MSN: variants seen among roughly 807,000 people sequenced by gnomAD.
MSN encodes the protein moesin, also known as epididymis luminal protein 70.
Under a neutral mutation model 48.0 loss-of-function variants are expected in MSN, and 2 were observed. The observed-to-expected ratio is 0.04, with a 90% CI of 0.02 to 0.13. MSN has a LOEUF of 0.13. Among genes scored for constraint, MSN ranks in the 10% least tolerant of loss-of-function variants. MSN has a pLI of 1.00. For missense variants in MSN, 267 were observed against 470.1 expected, an observed-to-expected ratio of 0.57 and a Z score of 3.99; for synonymous variants, 146 against 166.9, an observed-to-expected ratio of 0.87 and a Z score of 0.97.
intron 1 of MSN, among the ~76,000 whole-genome samples, chrX:65,618,765 G>T (rs375807947): frequency 3.8e-4 from 42 of 109,347 alleles, no homozygotes; most frequent in African/African-American, 1.2e-3. Context: ...GTTAGCTGGT[G>T]ATTTTGCTCG....
chrX:65,616,006 A>T (rs2148357135), intron 1 of MSN, among the ~76,000 whole-genome samples: 1 of 111,143 alleles, frequency 9.0e-6, no homozygotes, highest in South Asian at 3.8e-4. Context: ...GTCAAAGATC[A>T]GATAGTTGTA....
intron 1 of MSN, among the ~76,000 whole-genome samples, chrX:65,607,972 A>T (rs947453554): frequency 2.7e-5 from 3 of 112,059 alleles, no homozygotes; most frequent in African/African-American, 9.7e-5. Flanking sequence ...AAATAAAAAG[A>T]TACAAGGAAA....
Position 65,660,367 on chromosome X carries a change from A to T in MSN, c.-21-56451A>T, listed in dbSNP as rs567158204. Among the ~76,000 whole-genome samples, 170 of 111,948 alleles carry T rather than the reference A, an allele frequency of 1.5e-3. 4 individuals are homozygous for T. In the South Asian group the frequency reaches 0.063, roughly 42 times the overall value. On this transcript the variant is annotated intron_variant, in intron 1 of 3. Transcript: ENST00000609672. ...TACAATTTTGCTGAAGCTATTTATCAGATCTAGGAGCCTTTGGGCAGAGAT... is the reference window on the plus strand; with the variant it reads ...TACAATTTTGCTGAAGCTATTTATCTGATCTAGGAGCCTTTGGGCAGAGAT...
At chrX:65,731,719 C>G (rs1449033542) in intron 5 of MSN, 119 bp from the exon 6 acceptor site, 4 of 843,040 alleles carry the variant, frequency 4.7e-6, no homozygotes, top group Middle Eastern at 4.5e-4. Context: ...TGCCTTTTGT[C>G]CCCTTTCCCA....
chrX:65,629,985 C>A (rs1323350472), intron 1 of MSN, among the ~76,000 whole-genome samples: 2 of 110,827 alleles, frequency 1.8e-5, no homozygotes, highest in East Asian at 5.7e-4. Flanking sequence ...TTGAGACCAG[C>A]CTGGCCAACG....
intron 1 of MSN, among the ~76,000 whole-genome samples, chrX:65,610,366 T>G (rs1039579786): frequency 8.9e-6 from 1 of 112,725 alleles, no homozygotes; most frequent in Non-Finnish European, 1.9e-5. Flanking sequence ...ATATTTGTCC[T>G]TTTGTTTTTG....
chrX:65,715,455 T>C (rs2071454455), intron 1 of MSN, among the ~76,000 whole-genome samples: 1 of 112,234 alleles, frequency 8.9e-6, no homozygotes, highest in Non-Finnish European at 1.9e-5. Context: ...TTCCTATTCA[T>C]GAGCATGGAC....
intron 1 of MSN, among the ~76,000 whole-genome samples, chrX:65,619,231 T>A (rs2070408816): frequency 9.7e-6 from 1 of 103,494 alleles, no homozygotes; most frequent in African/African-American, 3.9e-5. Context: ...ATTCTCTGTA[T>A]TTCCTGAATC....
At chrX:65,654,226 C>T (rs2070765172) in intron 1 of MSN, among the ~76,000 whole-genome samples, 2 of 108,412 alleles carry the variant, frequency 1.8e-5, no homozygotes, top group Admixed American at 2.0e-4. Context: ...CTGCCTCAGC[C>T]TCCTGAGTAG....
intron 1 of MSN, among the ~76,000 whole-genome samples, chrX:65,681,405 A>G (rs940593187): frequency 2.7e-5 from 3 of 111,898 alleles, no homozygotes; most frequent in Non-Finnish European, 5.6e-5. Flanking sequence ...CAAACCTTTG[A>G]GGAGCATTTG....
At chrX:65,651,379 G>A (rs1236603298) in intron 1 of MSN, among the ~76,000 whole-genome samples, 1 of 107,175 alleles carries the variant, frequency 9.3e-6, no homozygotes, top group Non-Finnish European at 1.9e-5. Flanking sequence ...GTATGTTCAG[G>A]GTGCCATTTT....
At chrX:65,599,406 G>A (rs533148821) in intron 1 of MSN, among the ~76,000 whole-genome samples, 6 of 112,627 alleles carry the variant, frequency 5.3e-5, no homozygotes, top group Middle Eastern at 4.6e-3. Context: ...AGGCTGAGGC[G>A]GGCAGATCAT....
chrX:65,661,320 T>C lies in MSN; in HGVS notation c.-21-55498T>C, dbSNP rs943423933. 5.4e-5 allele frequency among the ~76,000 whole-genome samples: 6 copies of C among 112,071 alleles called. No homozygotes were observed. The East Asian group carries it at 8.3e-4, about 16-fold the overall frequency. ...CCTAGTTTGTTGAGGGTTTTTATCATAAAGGTTGTTGAATTGTATTGAAAA... is the reference window on the plus strand; with the variant it reads ...CCTAGTTTGTTGAGGGTTTTTATCACAAAGGTTGTTGAATTGTATTGAAAA... On this transcript the variant is annotated intron_variant, in intron 1 of 3. Coordinates refer to the MSN transcript ENST00000609672.
intron 1 of MSN, among the ~76,000 whole-genome samples, chrX:65,684,690 G>A (rs752964800): frequency 9.0e-6 from 1 of 111,400 alleles, no homozygotes; most frequent in South Asian, 3.8e-4. Flanking sequence ...CACCCGCCTC[G>A]GCCTCCCAAA....
At chrX:65,658,107 G>A (rs2070795077) in intron 1 of MSN, among the ~76,000 whole-genome samples, 1 of 111,975 alleles carries the variant, frequency 8.9e-6, no homozygotes, top group Non-Finnish European at 1.9e-5. Flanking sequence ...TTCCTAAGAA[G>A]TAGCTACAAG....
At chrX:65,672,896 T>C (rs1302718517) in intron 1 of MSN, among the ~76,000 whole-genome samples, 2 of 111,980 alleles carry the variant, frequency 1.8e-5, no homozygotes, top group Non-Finnish European at 3.8e-5. Context: ...GTACCTTCTA[T>C]GTGCCAGGCA....
chrX:65,731,524 T>C (rs1346913291), intron 5 of MSN, among the ~76,000 whole-genome samples: 4 of 111,000 alleles, frequency 3.6e-5, no homozygotes, highest in African/African-American at 9.8e-5. Context: ...CTGCTAAGAA[T>C]GTGCCTTTAT....
intron 1 of MSN, among the ~76,000 whole-genome samples, chrX:65,698,818 G>T (rs1010309312): frequency 1.8e-5 from 2 of 112,185 alleles, no homozygotes; most frequent in African/African-American, 6.5e-5. Context: ...TCTACTGTGG[G>T]AATAGCTGGA....
At chrX:65,737,857 T>C (rs560610988) in intron 10 of MSN, among the ~76,000 whole-genome samples, 1 of 112,289 alleles carries the variant, frequency 8.9e-6, no homozygotes, top group South Asian at 3.7e-4. Context: ...TGAAATCACA[T>C]GCAAAACTAT....
Sources: allele counts gnomAD v4.1 joint callset (sites outside exome capture counted in the v4.1 genomes callset), GRCh38; gene constraint gnomAD v4.1.1; transcripts MANE v1.5; gene names NCBI Gene and HGNC (gene_info 2026-07-23, HGNC 2026-07-21).